The following HACD3 variants were observed in gnomAD, a reference collection of about 807,000 sequenced individuals.
HACD3 encodes very-long-chain (3R)-3-hydroxyacyl-CoA dehydratase 3.
A neutral mutation model predicts 55.2 loss-of-function variants in HACD3; 30 were observed. That is an observed-to-expected ratio of 0.54 (90% CI 0.41 to 0.74). The LOEUF is 0.74. Among genes scored for constraint, HACD3 ranks in the 30% least tolerant of loss-of-function variants. HACD3 has a pLI of 0.00. For missense variants in HACD3, 363 were observed against 440.1 expected (o/e 0.82, Z 1.57); for synonymous variants, 141 against 151.7 (o/e 0.93, Z 0.52).
chr15:65,544,013 A>G (rs1238675681), intron 1 of HACD3, among the ~76,000 whole-genome samples: 2 of 152,050 alleles, frequency 1.3e-5, no homozygotes, highest in Admixed American at 6.6e-5. Context: ...CGTCTCTACT[A>G]AAAATACAAA....
Position 65,533,744 on chromosome 15 carries a change from T to TAA in HACD3, c.87+3039_87+3040dup, listed in dbSNP as rs11383716. 1.9e-3 allele frequency among the ~76,000 whole-genome samples: 263 copies of TAA among 141,118 alleles called. 1 individual carries two copies. Among genetic ancestry groups the TAA allele is most frequent in the African/African-American group, 3.1e-3 (121 of 38,660 alleles). The allele number at this position is 141,118 out of a possible 152,430, so 92.6% of individuals were successfully genotyped here. A position where few individuals can be genotyped will look rare whatever the true frequency, so the allele number is the denominator to read the frequency against. On this transcript the variant is annotated intron_variant, in intron 1 of 10. Transcript: ENST00000261875. Reference sequence around the variant, plus strand: ...GTTTTACATGTGCAGATTTGTTATTTAAAAAAAAAAAAAAGAAAGAAAAGC... The same window carrying TAA: ...GTTTTACATGTGCAGATTTGTTATTTAAAAAAAAAAAAAAAAGAAAGAAAAGC...
At chr15:65,543,630 A>G (rs936123982) in intron 1 of HACD3, among the ~76,000 whole-genome samples, 2 of 152,218 alleles carry the variant, frequency 1.3e-5, no homozygotes, top group South Asian at 2.1e-4. Context: ...AACATTGACT[A>G]TACCTCAGTG....
rs761119479 is a variant in HACD3 at position 65,558,701 on chromosome 15, C to T, written c.391C>T (p.Leu131Phe). ...CTAGGAAGAAGAGCGCCTAAATAAA[C>T]TCCGACTGGAAAGCGAAGGCTCTCC... ...RAKEEERLNK[L>F]RLESEGSPET... The change falls in exon 5 of 11, where the codon CTC (leucine) becomes TTC (phenylalanine). Residue 131 changes from leucine (L) to phenylalanine (F), a missense_variant. Transcript: ENST00000261875. 3.0e-5 allele frequency: 48 copies of T among 1,600,822 alleles called. No individual in the cohort carries two copies. The highest frequency in any genetic ancestry group is 4.0e-5 in the Non-Finnish European group (47 of 1,173,550).
chr15:65,578,039 A>G lies in HACD3; in HGVS notation c.*1660A>G, dbSNP rs2072426742. The G allele has an allele frequency of 6.6e-6, 1 of 152,382 alleles. No individual in the cohort carries two copies. Among genetic ancestry groups the G allele is most frequent in the South Asian group, 2.1e-4 (1 of 4,836 alleles). The allele number at this position is 152,382 out of a possible 1,614,324, so 9.4% of individuals were successfully genotyped here. On this transcript the variant is annotated 3_prime_UTR_variant, in exon 11 of 11. Transcript: ENST00000261875. ...AAAGGAGACTCAATGAGTTAATACT[A>G]TTTCACTGAGCCCAAGATGGAAACT...
chr15:65,564,392 G>T, intron 7 of HACD3, 50 bp downstream of exon 7: 1 of 1,588,280 alleles, frequency 6.3e-7, no homozygotes, highest in Non-Finnish European at 8.6e-7. Flanking sequence ...CCCATTATTT[G>T]TCTAGTGGGT....
chr15:65,559,257 G>A (rs2072222746), intron 5 of HACD3, among the ~76,000 whole-genome samples: 1 of 152,148 alleles, frequency 6.6e-6, no homozygotes, highest in South Asian at 2.1e-4. Context: ...TCTGGGTGAT[G>A]TAGTTAGATT....
At chr15:65,547,696 A>C (rs2072090852) in intron 1 of HACD3, among the ~76,000 whole-genome samples, 1 of 152,222 alleles carries the variant, frequency 6.6e-6, no homozygotes, top group Non-Finnish European at 1.5e-5. Flanking sequence ...TAATCACATA[A>C]ATTTGAAGAT....
chr15:65,538,585 G>A (rs117506477), intron 1 of HACD3, among the ~76,000 whole-genome samples: 1 of 152,360 alleles, frequency 6.6e-6, no homozygotes, highest in Non-Finnish European at 1.5e-5. Flanking sequence ...TTGTTGAAAT[G>A]ACAATGAAGG....
chr15:65,542,106 G>A (rs1219869317), intron 1 of HACD3, among the ~76,000 whole-genome samples: 3 of 150,616 alleles, frequency 2.0e-5, no homozygotes, highest in African/African-American at 4.9e-5. Context: ...GCATGTTCCT[G>A]TAGTCCCAGC....
chr15:65,575,479 C>T (rs986924675), intron 10 of HACD3, among the ~76,000 whole-genome samples: 7 of 152,062 alleles, frequency 4.6e-5, no homozygotes, highest in Non-Finnish European at 8.8e-5. Context: ...TGAGCCACCA[C>T]GCCTGGCCAT....
chr15:65,537,361 T>G (rs542166298), intron 1 of HACD3, among the ~76,000 whole-genome samples: 25 of 152,252 alleles, frequency 1.6e-4, no homozygotes, highest in African/African-American at 5.5e-4. Flanking sequence ...ACTTTTATAG[T>G]TAGAGAGAAG....
chr15:65,562,826 C>T lies in HACD3; in HGVS notation c.474C>T (p.Phe158=). ...TGTTTATGTATAATCTTGTGCAATT[C>T]TTGGGATTCTCCTGGATCTTTGTCA... ...GYLFMYNLVQ[F]LGFSWIFVNL... Residue 158 remains phenylalanine (F), a synonymous_variant, in exon 6 of 11, where the codon TTC becomes TTT. Transcript: ENST00000261875. 2.5e-6 allele frequency: 4 copies of T among 1,613,872 alleles called. No homozygotes were observed. Among genetic ancestry groups the T allele is most frequent in the Non-Finnish European group, 3.4e-6 (4 of 1,179,866 alleles).
chr15:65,549,063 T>G (rs1219967537), intron 1 of HACD3, among the ~76,000 whole-genome samples: 1 of 152,168 alleles, frequency 6.6e-6, no homozygotes, highest in Non-Finnish European at 1.5e-5. Context: ...GCACAGTTTC[T>G]TTTCTTGTAA....
Position 65,559,287 on chromosome 15 carries a change from T to C in HACD3, c.421+556T>C, listed in dbSNP as rs555917992. 4.6e-5 allele frequency among the ~76,000 whole-genome samples: 7 copies of C among 152,230 alleles called. No individual in the cohort carries two copies. The South Asian group carries it at 1.5e-3, about 32-fold the overall frequency. The stretch of plus-strand genomic sequence containing the variant: ...TAGATTAAATTCAGCAGCTATCTGT[T>C]AAAGTCATGCTGTGTGGCAAGCATT... On this transcript the variant is annotated intron_variant, in intron 5 of 10. Coordinates refer to ENST00000261875, the MANE Select transcript of HACD3 (RefSeq NM_016395.4).
At chr15:65,558,839 G>T (rs2141217986) in intron 5 of HACD3, 108 bp downstream of exon 5, 3 of 1,338,436 alleles carry the variant, frequency 2.2e-6, no homozygotes, top group Non-Finnish European at 3.1e-6. Context: ...CCGGTGAGCT[G>T]TGTGGGTGAG....
intron 7 of HACD3, among the ~76,000 whole-genome samples, chr15:65,568,604 C>T (rs1336210271): frequency 1.3e-5 from 2 of 152,048 alleles, no homozygotes; most frequent in African/African-American, 4.8e-5. Flanking sequence ...AATGATCTGC[C>T]AGCCTCGGCC....
At chr15:65,571,769 C>T in intron 9 of HACD3, 115 bp downstream of exon 9, 1 of 813,526 alleles carries the variant, frequency 1.2e-6, no homozygotes, top group Non-Finnish European at 1.9e-6. Context: ...TTGGATTTTT[C>T]AGGGATTTCT....
At chr15:65,559,892 C>T (rs865884725) in intron 5 of HACD3, among the ~76,000 whole-genome samples, 1 of 152,060 alleles carries the variant, frequency 6.6e-6, no homozygotes, top group African/African-American at 2.4e-5. Flanking sequence ...AAAGCTTTAA[C>T]TGTTTTACCT....
chr15:65,572,928 A>T (rs912837265), intron 10 of HACD3, among the ~76,000 whole-genome samples: 10 of 126,054 alleles, frequency 7.9e-5, no homozygotes, highest in South Asian at 2.4e-4. Flanking sequence ...AAAAAAAAAA[A>T]AATAAATAAA....
Sources: allele counts gnomAD v4.1 joint callset (sites outside exome capture counted in the v4.1 genomes callset), GRCh38; gene constraint gnomAD v4.1.1; transcripts MANE v1.5; gene names NCBI Gene and HGNC (gene_info 2026-07-23, HGNC 2026-07-21).